The following NKAIN2 variants were observed in gnomAD, a reference collection of about 807,000 sequenced individuals.
NKAIN2 encodes the protein sodium/potassium-transporting ATPase subunit beta-1-interacting protein 2.
Under a neutral mutation model 32.6 loss-of-function variants are expected in NKAIN2, and 14 were observed. The ratio of observed to expected loss-of-function variants is 0.43; its 90% confidence interval spans 0.28 to 0.67. NKAIN2 has a LOEUF of 0.67. NKAIN2 is among the 30% of genes least tolerant of loss of function. The pLI is 0.17. For synonymous variants in NKAIN2, 80 were observed against 87.2 expected (o/e 0.92, Z 0.46); for missense variants, 198 against 258.3 (o/e 0.77, Z 1.60).
chr6:124,083,006 T>G (rs1303146796), intron 1 of NKAIN2, among the ~76,000 whole-genome samples: 1 of 152,006 alleles, frequency 6.6e-6, no homozygotes, highest in Non-Finnish European at 1.5e-5. Flanking sequence ...GACAGCTCTT[T>G]TCAATATTTA....
In NKAIN2 at chr6:124,337,417, G is replaced by A. The variant is rs560257879; in HGVS notation, c.193-17850G>A. Among the ~76,000 whole-genome samples, 123 of 152,286 alleles carry A rather than the reference G, an allele frequency of 8.1e-4. No individual in the cohort carries two copies. The South Asian group carries it at 0.025, about 31-fold the overall frequency. ...AGCTGCTCAACAGGCTGAGGTAAGA[G>A]GACCACTCTAGCCTAGGAGTTGGAG... On this transcript the variant is annotated intron_variant, in intron 2 of 6. Transcript: ENST00000368417.
At chr6:124,399,441 C>A (rs973118460) in intron 3 of NKAIN2, among the ~76,000 whole-genome samples, 7 of 152,158 alleles carry the variant, frequency 4.6e-5, no homozygotes, top group African/African-American at 1.7e-4. Context: ...CTACAGGCTA[C>A]ATTAAGAAAT....
chr6:124,023,052 A>G (rs1562313793), intron 1 of NKAIN2, among the ~76,000 whole-genome samples: 3 of 151,500 alleles, frequency 2.0e-5, no homozygotes, highest in Non-Finnish European at 4.4e-5. Flanking sequence ...ATATGTATGT[A>G]TGTATGTATG....
intron 3 of NKAIN2, among the ~76,000 whole-genome samples, chr6:124,617,116 T>C (rs1782936226): frequency 6.6e-6 from 1 of 152,200 alleles, no homozygotes; most frequent in South Asian, 2.1e-4. Context: ...ATTTGTTAAA[T>C]AGGGAGAATA....
At chr6:124,346,258 G>T (rs1798417508) in intron 2 of NKAIN2, among the ~76,000 whole-genome samples, 1 of 152,092 alleles carries the variant, frequency 6.6e-6, no homozygotes, top group Non-Finnish European at 1.5e-5. Flanking sequence ...TTGCAACTAT[G>T]TGGTCAATTT....
intron 3 of NKAIN2, among the ~76,000 whole-genome samples, chr6:124,629,411 C>A (rs1473070657): frequency 6.6e-6 from 1 of 152,070 alleles, no homozygotes; most frequent in African/African-American, 2.4e-5. Flanking sequence ...CTCTTGGAAT[C>A]CACTAGCCCC....
At chr6:124,254,098 G>A (rs911026886) in intron 1 of NKAIN2, among the ~76,000 whole-genome samples, 4 of 151,694 alleles carry the variant, frequency 2.6e-5, no homozygotes, top group Non-Finnish European at 5.9e-5. Flanking sequence ...GATTACAGGC[G>A]TGAGCCACCG....
chr6:124,449,533 A>G (rs1182542777), intron 3 of NKAIN2, among the ~76,000 whole-genome samples: 1 of 152,130 alleles, frequency 6.6e-6, no homozygotes, highest in Non-Finnish European at 1.5e-5. Context: ...TAGGTCAGGC[A>G]AAGGATGCAT....
rs1350208874 is a variant in NKAIN2 at position 124,805,154 on chromosome 6, C to T, written c.536-13233C>T. Among the ~76,000 whole-genome samples, 3 of 152,176 alleles carry T rather than the reference C, an allele frequency of 2.0e-5. No individual in the cohort carries two copies. The South Asian group carries it at 6.2e-4, about 31-fold the overall frequency. On this transcript the variant is annotated intron_variant, in intron 5 of 6. Coordinates refer to ENST00000368417, the MANE Select transcript of NKAIN2 (RefSeq NM_001040214.3). ...AGAGAGCAGTGGTTCTCCCAGCACG[C>T]AGCTGGAGATCTGAGAATGGGCAGA...
chr6:124,279,510 CAAA>C (rs10545991), intron 1 of NKAIN2, among the ~76,000 whole-genome samples: 8,217 of 78,564 alleles, frequency 0.1, 294 homozygotes, highest in African/African-American at 0.15. Flanking sequence ...GATTCCATCT[CAAA>C]AAAAAAAAAA....
intron 1 of NKAIN2, among the ~76,000 whole-genome samples, chr6:123,860,123 C>G (rs1775724816): frequency 6.6e-6 from 1 of 152,122 alleles, no homozygotes; most frequent in African/African-American, 2.4e-5. Flanking sequence ...GCACTGAAAA[C>G]ACATCTACTC....
intron 1 of NKAIN2, among the ~76,000 whole-genome samples, chr6:124,041,807 T>G (rs1280140835): frequency 1.3e-5 from 2 of 152,122 alleles, no homozygotes; most frequent in Non-Finnish European, 2.9e-5. Flanking sequence ...GTAATGCTGT[T>G]AAAAATTATT....
intron 3 of NKAIN2, among the ~76,000 whole-genome samples, chr6:124,621,910 G>A (rs962593574): frequency 6.6e-6 from 1 of 152,106 alleles, no homozygotes; most frequent in African/African-American, 2.4e-5. Flanking sequence ...CTGTGTCCCA[G>A]GCTGGGAATC....
chr6:124,032,411 A>T (rs927887042), intron 1 of NKAIN2, among the ~76,000 whole-genome samples: 2 of 151,904 alleles, frequency 1.3e-5, no homozygotes, highest in Non-Finnish European at 2.9e-5. Flanking sequence ...AAAGTATATT[A>T]AAAAAAACAG....
intron 4 of NKAIN2, among the ~76,000 whole-genome samples, chr6:124,722,453 C>G (rs1244588272): frequency 6.6e-6 from 1 of 152,162 alleles, no homozygotes. Context: ...ATGGGACAGA[C>G]CTGGGGTAAG....
chr6:124,344,827 C>A (rs1447759467), intron 2 of NKAIN2, among the ~76,000 whole-genome samples: 1 of 152,036 alleles, frequency 6.6e-6, no homozygotes, highest in Admixed American at 6.6e-5. Flanking sequence ...CCTTTATTTC[C>A]TTCTACTGCC....
At chr6:123,959,920 CAT>C (rs947743370) in intron 1 of NKAIN2, among the ~76,000 whole-genome samples, 66 of 134,288 alleles carry the variant, frequency 4.9e-4, no homozygotes, top group Non-Finnish European at 7.0e-4. Flanking sequence ...ATATGTCTTC[CAT>C]ATATGTGTGT....
intron 3 of NKAIN2, among the ~76,000 whole-genome samples, chr6:124,387,557 C>T (rs1772959636): frequency 6.6e-6 from 1 of 152,018 alleles, no homozygotes; most frequent in South Asian, 2.1e-4. Flanking sequence ...AAATGATCCG[C>T]ATGATAACCA....
chr6:123,803,934 G>A lies in NKAIN2; in HGVS notation c.-267G>A, dbSNP rs1276057332. Among the ~76,000 whole-genome samples, 3 of 150,128 alleles carry A rather than the reference G, an allele frequency of 2.0e-5. No homozygotes were observed. Among genetic ancestry groups the A allele is most frequent in the Non-Finnish European group, 4.5e-5 (3 of 67,340 alleles). ...CCCTGCGGGCCCCGAGCGCGCCTCC[G>A]CAGGCGGCACTGCCCGCGGCGCGGC... On this transcript the variant is annotated 5_prime_UTR_variant, in exon 1 of 7. Transcript: ENST00000368417.
Sources: gnomAD v4.1 joint callset for allele counts (sites outside exome capture counted in the v4.1 genomes callset) on GRCh38, gnomAD v4.1.1 for gene constraint, MANE v1.5 for transcripts, NCBI Gene and HGNC (gene_info 2026-07-23, HGNC 2026-07-21) for gene names.